The following MGAT5B variants were observed in gnomAD, a reference collection of about 807,000 sequenced individuals.
MGAT5B encodes N-acetylglucosaminyl-transferase Vb.
In MGAT5B, 54 loss-of-function variants were observed where a neutral mutation model predicts 95.1. The observed-to-expected ratio is 0.57, with a 90% CI of 0.46 to 0.71. The LOEUF is 0.71. MGAT5B is among the 30% of genes least tolerant of loss of function. The probability of loss-of-function intolerance (pLI) is 0.00; values close to 1 mark genes in which losing one functional copy is unlikely to be tolerated. For missense variants in MGAT5B, 935 were observed against 1,088.6 expected (o/e 0.86, Z 1.99); for synonymous variants, 464 against 451.0 (o/e 1.03, Z -0.36).
chr17:76,872,613 T>A (rs1387240738), intron 1 of MGAT5B: 1 of 1,441,542 alleles, frequency 6.9e-7, no homozygotes, highest in Non-Finnish European at 9.1e-7. Flanking sequence ...TAAGTGTGCG[T>A]CATTCTGCCT....
chr17:76,873,608 A>G (rs543313289), intron 2 of MGAT5B, among the ~76,000 whole-genome samples: 2 of 152,294 alleles, frequency 1.3e-5, no homozygotes, highest in South Asian at 4.1e-4. Flanking sequence ...ACACGTGGAC[A>G]TTACCCAGCA....
intron 12 of MGAT5B, among the ~76,000 whole-genome samples, chr17:76,933,684 T>C (rs947691150): frequency 1.3e-5 from 2 of 152,226 alleles, no homozygotes; most frequent in Admixed American, 1.3e-4. Context: ...TACATGATTA[T>C]TGGATTTAAT....
chr17:76,940,342 G>A lies in MGAT5B; in HGVS notation c.1585-60G>A. ...GCCTCACCTTGTCCCCGGCATCCTG[G>A]TGCTTACTGGGCTGTGGCGGCCCAG... On this transcript the variant is annotated intron_variant, in intron 13 of 17. Coordinates refer to ENST00000569840, the MANE Select transcript of MGAT5B (RefSeq NM_001199172.2). This position sits in a 1 kb window ranked among gnomAD's most constrained non-coding sequence, Gnocchi z 4.3. The A allele has an allele frequency of 6.7e-7, 1 of 1,500,518 alleles. No homozygotes were observed. Among genetic ancestry groups the A allele is most frequent in the South Asian group, 1.4e-5 (1 of 72,472 alleles). 93.0% of individuals were successfully genotyped at this position (1,500,518 alleles called of 1,614,324 possible). A position where few individuals can be genotyped will look rare whatever the true frequency, so the allele number is the denominator to read the frequency against.
At chr17:76,922,565 A>G (rs993853820) in intron 8 of MGAT5B, among the ~76,000 whole-genome samples, 4 of 152,200 alleles carry the variant, frequency 2.6e-5, no homozygotes, top group African/African-American at 9.7e-5. Context: ...TAAACCTACC[A>G]CCAAATATTT....
At chr17:76,898,213 C>G (rs754548818) in intron 3 of MGAT5B, among the ~76,000 whole-genome samples, 1 of 152,204 alleles carries the variant, frequency 6.6e-6, no homozygotes, top group Non-Finnish European at 1.5e-5. Flanking sequence ...TTCCTGTGTT[C>G]CGTCAGCGGA....
At chr17:76,943,844 C>T (rs1213389678) in intron 15 of MGAT5B, 1 of 152,008 alleles carries the variant, frequency 6.6e-6, no homozygotes, top group African/African-American at 2.4e-5. Context: ...AGTCATGTGG[C>T]CTTTTACAGG....
Position 76,938,247 on chromosome 17 carries a change from A to G in MGAT5B, c.1584+104A>G, listed in dbSNP as rs1969740411. The stretch of plus-strand genomic sequence containing the variant: ...ACTCAGGCCCCTTCCACATATGGAC[A>G]TACCCCAGCATGCTCTGCTGCCCTG... On this transcript the variant is annotated intron_variant, in intron 13 of 17. Coordinates refer to ENST00000569840, the MANE Select transcript of MGAT5B (RefSeq NM_001199172.2). The surrounding 1 kb of genome is among the most constrained non-coding windows in gnomAD (Gnocchi z 4.3). The G allele has an allele frequency of 7.1e-7, 1 of 1,413,604 alleles. No homozygotes were observed. The highest frequency in any genetic ancestry group is 9.7e-7 in the Non-Finnish European group (1 of 1,031,232). 87.6% of individuals were successfully genotyped at this position (1,413,604 alleles called of 1,614,324 possible).
chr17:76,883,575 A>G (rs516217), intron 3 of MGAT5B, among the ~76,000 whole-genome samples: 55,094 of 151,974 alleles, frequency 0.36, 12,378 homozygotes, highest in African/African-American at 0.61. Context: ...GGCTGTCCCA[A>G]CTGGCCCCTA....
intron 3 of MGAT5B, among the ~76,000 whole-genome samples, chr17:76,897,925 A>G (rs1241650288): frequency 1.3e-5 from 2 of 151,450 alleles, no homozygotes; most frequent in African/African-American, 4.8e-5. Context: ...GCATGGTGGC[A>G]CATGCCTGTA....
At chr17:76,923,281 G>A (rs1969179162) in intron 8 of MGAT5B, among the ~76,000 whole-genome samples, 1 of 152,194 alleles carries the variant, frequency 6.6e-6, no homozygotes, top group South Asian at 2.1e-4. Flanking sequence ...TAATGAGGAG[G>A]TGACCTTGTC....
chr17:76,902,495 C>A (rs1968348003), intron 3 of MGAT5B, 60 bp from the exon 4 acceptor site: 2 of 1,296,972 alleles, frequency 1.5e-6, no homozygotes, highest in Non-Finnish European at 1.1e-6. Flanking sequence ...ACTGGCAGGA[C>A]CCTCATGGGA....
rs1283167577 is a variant in MGAT5B at position 76,918,131 on chromosome 17, G to A, written c.1026-6835G>A. 6.6e-6 allele frequency among the ~76,000 whole-genome samples: 1 copy of A among 152,206 alleles called. No homozygotes were observed. Among genetic ancestry groups the A allele is most frequent in the Admixed American group, 6.5e-5 (1 of 15,280 alleles). On this transcript the variant is annotated intron_variant, in intron 8 of 17. Coordinates refer to ENST00000569840, the MANE Select transcript of MGAT5B (RefSeq NM_001199172.2). The surrounding 1 kb of genome is among the most constrained non-coding windows in gnomAD (Gnocchi z 5.1). ...CAGCTTTGGACGCCAGCCCCACTTT[G>A]GGTCTGCAGTGTTGAGGATACGCTG...
intron 3 of MGAT5B, among the ~76,000 whole-genome samples, chr17:76,885,583 G>C (rs1967599972): frequency 6.6e-6 from 1 of 152,176 alleles, no homozygotes; most frequent in Non-Finnish European, 1.5e-5. Context: ...TCCTCCTGGG[G>C]AAGGAGGGAA....
At chr17:76,908,202 G>A (rs1442148270) in intron 8 of MGAT5B, among the ~76,000 whole-genome samples, 1 of 150,368 alleles carries the variant, frequency 6.7e-6, no homozygotes, top group Non-Finnish European at 1.5e-5. Flanking sequence ...TTTATAGTTA[G>A]CAATTTTGTG....
rs887100104 is a variant in MGAT5B at position 76,915,594 on chromosome 17, A to G, written c.1026-9372A>G. Reference sequence around the variant, plus strand: ...GGAAGTGGGCGCATTGGAGCATTATATGATTTTCTATAATTTTCTGGATGC... The same window carrying G: ...GGAAGTGGGCGCATTGGAGCATTATGTGATTTTCTATAATTTTCTGGATGC... On this transcript the variant is annotated intron_variant, in intron 8 of 17. Coordinates refer to ENST00000569840, the MANE Select transcript of MGAT5B (RefSeq NM_001199172.2). This position sits in a 1 kb window ranked among gnomAD's most constrained non-coding sequence, Gnocchi z 8.7. Among the ~76,000 whole-genome samples the G allele has an allele frequency of 6.6e-6, 1 of 152,188 alleles. No individual in the cohort carries two copies. Among genetic ancestry groups the G allele is most frequent in the Non-Finnish European group, 1.5e-5 (1 of 68,026 alleles).
chr17:76,911,002 GC>G (rs1367125242), intron 8 of MGAT5B, among the ~76,000 whole-genome samples: 2 of 152,232 alleles, frequency 1.3e-5, no homozygotes, highest in Non-Finnish European at 2.9e-5. Flanking sequence ...CCCCAGTTAT[GC>G]CTACAAAAGT....
Position 76,943,629 on chromosome 17 carries a change from G to A in MGAT5B, c.1849-2747G>A, listed in dbSNP as rs570676900. Among the ~76,000 whole-genome samples the A allele has an allele frequency of 1.3e-4, 18 of 139,480 alleles. No individual in the cohort carries two copies. In the South Asian group the frequency reaches 4.2e-3, roughly 32 times the overall value. The allele number at this position is 139,480 out of a possible 152,430, so 91.5% of individuals were successfully genotyped here. ...GAATAGAGATGGGGTGGGGTGGGGG[G>A]GGGGTCTCATTTTGTTGCCCAGGCC... On this transcript the variant is annotated intron_variant, in intron 15 of 17. Coordinates refer to ENST00000569840, the MANE Select transcript of MGAT5B (RefSeq NM_001199172.2).
intron 4 of MGAT5B, 80 bp downstream of exon 4, chr17:76,902,750 G>GGGGC: frequency 1.3e-6 from 1 of 793,074 alleles, no homozygotes. Flanking sequence ...GGGAGGGTGG[G>GGGGC]ACACTTGGGG....
Position 76,948,661 on chromosome 17 carries a change from C to G in MGAT5B, c.2202C>G (p.Ser734Arg). 1 of 1,612,672 alleles carries G rather than the reference C, an allele frequency of 6.2e-7. No homozygotes were observed. Among genetic ancestry groups the G allele is most frequent in the Non-Finnish European group, 8.5e-7 (1 of 1,179,666 alleles). Reference protein sequence around the residue: ...AFLKLQVPCDSTESEMNHLYP... With the variant: ...AFLKLQVPCDRTESEMNHLYP... Reference sequence around the variant, plus strand: ...CCAGGCTGCAGGTGCCCTGTGACAGCACCGAGTCGGAGATGAACCACCTGT... The same window carrying G: ...CCAGGCTGCAGGTGCCCTGTGACAGGACCGAGTCGGAGATGAACCACCTGT... The change falls in exon 18 of 18, where the codon AGC becomes AGG. Residue 734 changes from serine to arginine, a missense_variant. Ser to Arg is a moderately radical substitution (Grantham distance 110). Around this residue, in one of 4 missense-constraint regions of MGAT5B, gnomAD observed 440 missense variants for 523.6 expected, o/e 0.84. Transcript: ENST00000569840.
Sources: allele counts gnomAD v4.1 joint callset (sites outside exome capture counted in the v4.1 genomes callset), GRCh38; gene constraint gnomAD v4.1.1; regional missense constraint gnomAD v4.1.1; non-coding constraint Gnocchi (gnomAD v3.1); transcripts MANE v1.5; gene names NCBI Gene and HGNC (gene_info 2026-07-23, HGNC 2026-07-21).